The following UNC13C variants were observed in gnomAD, a reference collection of about 807,000 sequenced individuals.
UNC13C encodes protein unc-13 homolog C.
A neutral mutation model predicts 245.4 loss-of-function variants in UNC13C; 174 were observed. The ratio of observed to expected loss-of-function variants is 0.71; its 90% CI spans 0.63 to 0.80. UNC13C has a LOEUF of 0.80. UNC13C is among the 30% of genes least tolerant of loss of function. The pLI is 0.00. For synonymous variants in UNC13C, 992 were observed against 895.1 expected (o/e 1.11, Z -1.93); for missense variants, 2,829 against 2,602.9 (o/e 1.09, Z -1.89).
chr15:54,289,416 A>G (rs1265237126), intron 10 of UNC13C, among the ~76,000 whole-genome samples: 4 of 152,158 alleles, frequency 2.6e-5, no homozygotes, highest in Non-Finnish European at 5.9e-5. Context: ...ATTGCGTATC[A>G]AAATGTATCG....
chr15:54,067,664 T>C (rs1353129863), intron 2 of UNC13C, among the ~76,000 whole-genome samples: 2 of 152,212 alleles, frequency 1.3e-5, no homozygotes, highest in African/African-American at 4.8e-5. Context: ...TGTAGGTCCA[T>C]AATGAACTAA....
At chr15:54,290,078 C>A (rs2037257327) in intron 10 of UNC13C, among the ~76,000 whole-genome samples, 1 of 152,118 alleles carries the variant, frequency 6.6e-6, no homozygotes, top group Non-Finnish European at 1.5e-5. Flanking sequence ...CATCACAACA[C>A]CCTTACGTAA....
In UNC13C at chr15:54,393,089, C is replaced by T; in HGVS notation, c.4755C>T (p.Thr1585=). 6.2e-7 allele frequency: 1 copy of T among 1,610,012 alleles called. No individual in the cohort carries two copies. Among genetic ancestry groups the T allele is most frequent in the Non-Finnish European group, 8.5e-7 (1 of 1,178,120 alleles). The change falls in exon 18 of 33, where the codon ACC becomes ACT. Residue 1585 remains threonine (T), a synonymous_variant. Coordinates refer to ENST00000260323, the MANE Select transcript of UNC13C (RefSeq NM_001080534.3). ...QDIPREDQGP[T]TKNLDFWPQL... ...TTCCTCGTGAAGATCAGGGACCAAC[C>T]ACCAAGAATTTGGATTTTTGGCCCC...
intron 4 of UNC13C, among the ~76,000 whole-genome samples, chr15:54,218,951 A>T (rs1171147347): frequency 3.3e-5 from 5 of 152,162 alleles, no homozygotes; most frequent in Non-Finnish European, 1.5e-5. Flanking sequence ...ATAAAAGAGG[A>T]TACAAACAAA....
intron 19 of UNC13C, among the ~76,000 whole-genome samples, chr15:54,479,106 A>G (rs1397300322): frequency 6.6e-6 from 1 of 152,098 alleles, no homozygotes; most frequent in Non-Finnish European, 1.5e-5. Flanking sequence ...TCAGTTGGCT[A>G]TAAATCCTTG....
chr15:54,285,117 C>G (rs941275223), intron 10 of UNC13C, among the ~76,000 whole-genome samples: 1 of 152,134 alleles, frequency 6.6e-6, no homozygotes, highest in African/African-American at 2.4e-5. Flanking sequence ...TTTTCCTTTT[C>G]CAAAAGTCAT....
the UNC13C span, among the ~76,000 whole-genome samples, chr15:53,950,917 A>G: frequency 1.3e-5 from 2 of 152,344 alleles, no homozygotes; most frequent in African/African-American, 4.8e-5. Context: ...TTTTGTAACA[A>G]CAGTTATTAT....
the UNC13C span, among the ~76,000 whole-genome samples, chr15:53,884,210 G>A: frequency 2.0e-5 from 3 of 152,310 alleles, no homozygotes; most frequent in African/African-American, 7.2e-5. Context: ...TGTGGAGCAG[G>A]AAGACGAAGG....
chr15:54,133,720 G>A (rs930452795), intron 2 of UNC13C, among the ~76,000 whole-genome samples: 14 of 152,040 alleles, frequency 9.2e-5, no homozygotes, highest in African/African-American at 3.4e-4. Flanking sequence ...AGAATAAAAG[G>A]CAATTTATCA....
intron 30 of UNC13C, among the ~76,000 whole-genome samples, chr15:54,581,350 C>T (rs1281443853): frequency 6.6e-6 from 1 of 152,212 alleles, no homozygotes; most frequent in Non-Finnish European, 1.5e-5. Context: ...GGATTACCTG[C>T]TCAGGCTGTC....
At chr15:54,138,386 A>G (rs1490297396) in intron 2 of UNC13C, among the ~76,000 whole-genome samples, 3 of 151,660 alleles carry the variant, frequency 2.0e-5, no homozygotes, top group Non-Finnish European at 2.9e-5. Context: ...GAAGTTTAAT[A>G]ACATTATGGG....
the UNC13C span, among the ~76,000 whole-genome samples, chr15:53,885,745 A>G: frequency 6.6e-6 from 1 of 152,200 alleles, no homozygotes; most frequent in African/African-American, 2.4e-5. Flanking sequence ...TACAAAAGAG[A>G]AAATAAATGT....
At chr15:53,869,058 A>G in the UNC13C span, among the ~76,000 whole-genome samples, 2 of 152,336 alleles carry the variant, frequency 1.3e-5, no homozygotes, top group African/African-American at 2.4e-5. Context: ...GCATTGATCC[A>G]TGATTGAGCC....
chr15:54,220,777 C>G (rs577404007), intron 4 of UNC13C, among the ~76,000 whole-genome samples: 2 of 151,298 alleles, frequency 1.3e-5, no homozygotes, highest in African/African-American at 4.9e-5. Flanking sequence ...TAAACAACTG[C>G]AATGTCTTAT....
At chr15:54,408,983 G>A (rs2040363659) in intron 18 of UNC13C, among the ~76,000 whole-genome samples, 1 of 152,032 alleles carries the variant, frequency 6.6e-6, no homozygotes, top group Non-Finnish European at 1.5e-5. Flanking sequence ...GGGACTCCTG[G>A]GGCACAGACA....
At chr15:53,946,431 A>T in the UNC13C span, among the ~76,000 whole-genome samples, 3 of 141,642 alleles carry the variant, frequency 2.1e-5, no homozygotes, top group African/African-American at 7.7e-5. Context: ...TACCTAGTTT[A>T]CTGAGGTGTT....
In UNC13C at chr15:54,326,386, C is replaced by G. The variant is rs74860271; in HGVS notation, c.4425+4291C>G. On this transcript the variant is annotated intron_variant, in intron 14 of 32. Coordinates refer to ENST00000260323, the MANE Select transcript of UNC13C (RefSeq NM_001080534.3). ...TGAAAGTGTCATTTGCTGTTGGGCA[C>G]TATAAATGTGTTGTCACAATTCTTG... Among the ~76,000 whole-genome samples, 610 of 152,142 alleles carry G rather than the reference C, an allele frequency of 4.0e-3. 26 individuals are homozygous for G. The East Asian group carries it at 0.086, about 22-fold the overall frequency.
At chr15:54,547,637 C>T (rs1475911721) in intron 27 of UNC13C, among the ~76,000 whole-genome samples, 1 of 152,146 alleles carries the variant, frequency 6.6e-6, no homozygotes, top group Non-Finnish European at 1.5e-5. Flanking sequence ...AAAACACTTT[C>T]TTATAAAGTG....
intron 19 of UNC13C, among the ~76,000 whole-genome samples, chr15:54,482,295 T>A (rs1009577150): frequency 1.3e-5 from 2 of 152,058 alleles, no homozygotes; most frequent in Admixed American, 1.3e-4. Flanking sequence ...AGGCCTGGGC[T>A]CTCAAAATAG....
Sources: allele counts gnomAD v4.1 joint callset (sites outside exome capture counted in the v4.1 genomes callset), GRCh38; gene constraint gnomAD v4.1.1; transcripts MANE v1.5; gene names NCBI Gene and HGNC (gene_info 2026-07-23, HGNC 2026-07-21).